C1orf167: variants seen among roughly 807,000 people sequenced by gnomAD.
C1orf167 encodes the protein uncharacterized protein C1orf167.
A neutral mutation model predicts 176.5 loss-of-function variants in C1orf167; 153 were observed. That is an observed-to-expected ratio of 0.87 (90% confidence interval 0.76 to 0.99). The LOEUF (loss-of-function observed/expected upper bound fraction) is 0.99. Among genes scored for constraint, C1orf167 ranks in the 50% least tolerant of loss-of-function variants. The probability of loss-of-function intolerance (pLI) is 0.00; values close to 1 mark genes in which losing one functional copy is unlikely to be tolerated. For missense variants in C1orf167, 1,490 were observed against 1,817.7 expected, an observed-to-expected ratio of 0.82 and a Z score of 3.28; for synonymous variants, 594 against 752.7, an observed-to-expected ratio of 0.79 and a Z score of 3.45.
chr1:11,780,675 C>T (rs1643552058), intron 13 of C1orf167, among the ~76,000 whole-genome samples: 1 of 152,218 alleles, frequency 6.6e-6, no homozygotes, highest in South Asian at 2.1e-4. Flanking sequence ...CTCTAGGAGT[C>T]ACTGGTCGGA....
In C1orf167 at chr1:11,768,704, C is replaced by T. The variant is rs530171070; in HGVS notation, c.1543-269C>T. ...TGGGAGGGAGCATCTGTGTCCTTCCCTCCTTGGGAAAGGGGTGCTCTGAGA... is the reference window on the plus strand; with the variant it reads ...TGGGAGGGAGCATCTGTGTCCTTCCTTCCTTGGGAAAGGGGTGCTCTGAGA... On this transcript the variant is annotated intron_variant, in intron 5 of 20. Coordinates refer to ENST00000688073, the MANE Select transcript of C1orf167 (RefSeq NM_001010881.2). This position sits in a 1 kb window ranked among gnomAD's most constrained non-coding sequence, Gnocchi z 4.5. Among the ~76,000 whole-genome samples the T allele has an allele frequency of 5.8e-4, 89 of 152,304 alleles. No homozygotes were observed. Among genetic ancestry groups the T allele is most frequent in the South Asian group, 3.1e-3 (15 of 4,826 alleles).
chr1:11,764,381 A>G lies in C1orf167; in HGVS notation c.-20A>G, dbSNP rs1286882148. 6 of 1,288,890 alleles carry G rather than the reference A, an allele frequency of 4.7e-6. No homozygotes were observed. In the East Asian group the frequency reaches 3.3e-4, roughly 72 times the overall value. 79.8% of individuals were successfully genotyped at this position (1,288,890 alleles called of 1,614,324 possible). A position where few individuals can be genotyped will look rare whatever the true frequency, so the allele number is the denominator to read the frequency against. On this transcript the variant is annotated 5_prime_UTR_variant, in exon 2 of 21. Coordinates refer to ENST00000688073, the MANE Select transcript of C1orf167 (RefSeq NM_001010881.2). ...CCACTCACTGTGGAGTGGACCAAGG[A>G]TACTCCTGTCCCTGAGCCCATGGAG...
At chr1:11,775,676 A>G (rs1192562664) in intron 9 of C1orf167, 66 bp downstream of exon 9, 1 of 1,244,088 alleles carries the variant, frequency 8.0e-7, no homozygotes, top group Non-Finnish European at 1.0e-6. Context: ...AGTGGTCCCC[A>G]GTTGAATATG....
At position 11,789,298 on chromosome 1, in the gene C1orf167, C is replaced by A. The variant is rs2100480711; in HGVS notation, c.4202C>A (p.Ala1401Glu). The change falls in exon 21 of 21, where the codon GCA becomes GAA. Residue 1401 changes from alanine to glutamate, a missense_variant. Physicochemically the swap from Ala to Glu is moderately radical, Grantham distance 107. Transcript: ENST00000688073. ...TTTAAGAAGTGGCACCAACGCCTGG[C>A]AGCCAGGAGCCCAAGGAGAGGAGCT... The part of the protein sequence containing the change: ...WAFKKWHQRL[A>E]ARSPRRGAAS... The A allele has an allele frequency of 7.7e-7, 1 of 1,304,110 alleles. No individual in the cohort carries two copies. The highest frequency in any genetic ancestry group is 1.5e-5 in the African/African-American group (1 of 65,974). The allele number at this position is 1,304,110 out of a possible 1,614,324, so 80.8% of individuals were successfully genotyped here.
Position 11,775,438 on chromosome 1 carries a change from CT to C in C1orf167, c.1994del (p.Phe665SerfsTer26), listed in dbSNP as rs1341596471. 7.7e-7 allele frequency: 1 copy of C among 1,297,296 alleles called. No homozygotes were observed. The highest frequency in any genetic ancestry group is 5.6e-5 in the East Asian group (1 of 17,994). The allele number at this position is 1,297,296 out of a possible 1,614,324, so 80.4% of individuals were successfully genotyped here. On this transcript the variant is annotated frameshift_variant, in exon 9 of 21. Transcript: ENST00000688073. LOFTEE classifies it high-confidence loss of function. ...QHQRAWLCRC[F>X]GAWQQFVQRG... ...TACTTTCCCTCTGTTCTCCCAGGTGCTTCGGGGCGTGGCAGCAGTTCGTGCA... is the reference window on the plus strand; with the variant it reads ...TACTTTCCCTCTGTTCTCCCAGGTGCTCGGGGCGTGGCAGCAGTTCGTGCA...
chr1:11,762,293 A>G lies in C1orf167; in HGVS notation c.-83A>G, dbSNP rs1414410746. On this transcript the variant is annotated 5_prime_UTR_variant, in exon 1 of 21. Transcript: ENST00000688073. ...CGACTGGGTGAAGGAGGACCCGAGG[A>G]GGACCCACGCACGTGAGGGCAGATC... The G allele has an allele frequency of 1.0e-5, 4 of 399,352 alleles. No individual in the cohort carries two copies. Among genetic ancestry groups the G allele is most frequent in the Non-Finnish European group, 2.0e-5 (4 of 196,978 alleles). The allele number at this position is 399,352 out of a possible 1,614,324, so 24.7% of individuals were successfully genotyped here. A position where few individuals can be genotyped will look rare whatever the true frequency, so the allele number is the denominator to read the frequency against.
Position 11,776,624 on chromosome 1 carries a change from G to C in C1orf167, c.2325G>C (p.Gln775His), listed in dbSNP as rs1423811140. 17 of 1,198,312 alleles carry C rather than the reference G, an allele frequency of 1.4e-5. No individual in the cohort carries two copies. The highest frequency in any genetic ancestry group is 1.6e-5 in the Non-Finnish European group (15 of 938,432). The allele number at this position is 1,198,312 out of a possible 1,614,324, so 74.2% of individuals were successfully genotyped here. The change falls in exon 10 of 21, where the codon CAG (glutamine) becomes CAC (histidine). Residue 775 changes from glutamine (Q) to histidine (H), a missense_variant. Coordinates refer to ENST00000688073, the MANE Select transcript of C1orf167 (RefSeq NM_001010881.2). Reference sequence around the variant, plus strand: ...TGCTGTGGAAGATGCGGCTTTTCCAGCGCCAGTGGGCCAAGTAGGTGTCCT... The same window carrying C: ...TGCTGTGGAAGATGCGGCTTTTCCACCGCCAGTGGGCCAAGTAGGTGTCCT... ...ALLLWKMRLF[Q>H]RQWANSFFQG...
chr1:11,786,805 A>G (rs1029877485), intron 16 of C1orf167: 3 of 152,240 alleles, frequency 2.0e-5, no homozygotes, highest in African/African-American at 7.2e-5. Context: ...CAGAATTCAC[A>G]CATATGGGGC....
chr1:11,775,381 C>T (rs1643262438), intron 8 of C1orf167, 54 bp from the exon 9 acceptor site: 3 of 1,226,146 alleles, frequency 2.4e-6, no homozygotes, highest in African/African-American at 1.6e-5. Context: ...GCAGCTGGAG[C>T]CGCAGTCATC....
chr1:11,766,400 G>A lies in C1orf167; in HGVS notation c.614G>A (p.Gly205Glu). The change falls in exon 3 of 21, where the codon GGG becomes GAG. Residue 205 changes from glycine to glutamate, a missense_variant. Physicochemically the swap from Gly to Glu is moderately conservative, Grantham distance 98. Coordinates refer to ENST00000688073, the MANE Select transcript of C1orf167 (RefSeq NM_001010881.2). This position sits in a 1 kb window ranked among gnomAD's most constrained non-coding sequence, Gnocchi z 4.5. ...QPGLRSWGGLGSWRSRLVGEP... is the reference protein window; with the variant it reads ...QPGLRSWGGLESWRSRLVGEP... ...GGCCTCAGATCCTGGGGTGGTCTGG[G>A]GAGCTGGAGGTCCAGGCTGGTGGGG... 1 of 1,273,510 alleles carries A rather than the reference G, an allele frequency of 7.9e-7. No individual in the cohort carries two copies. Among genetic ancestry groups the A allele is most frequent in the Non-Finnish European group, 1.0e-6 (1 of 981,100 alleles). 78.9% of individuals were successfully genotyped at this position (1,273,510 alleles called of 1,614,324 possible).
chr1:11,787,807 G>C, intron 17 of C1orf167, 66 bp from the exon 18 acceptor site: 1 of 1,181,752 alleles, frequency 8.5e-7, no homozygotes, highest in Non-Finnish European at 1.1e-6. Flanking sequence ...ACTCCTAGGC[G>C]GGCACTAAGA....
At chr1:11,775,866 G>A (rs1643289190) in intron 9 of C1orf167, among the ~76,000 whole-genome samples, 1 of 152,188 alleles carries the variant, frequency 6.6e-6, no homozygotes, top group African/African-American at 2.4e-5. Context: ...GGCTTTCTCA[G>A]TGCTGGTATC....
Position 11,779,099 on chromosome 1 carries a change from C to T in C1orf167, c.2651+19C>T. Reference sequence around the variant, plus strand: ...AGAGGCGGTAGGGATCCCTCCCCATCCGCCCGCCACTCTATGGACTTACTG... The same window carrying T: ...AGAGGCGGTAGGGATCCCTCCCCATTCGCCCGCCACTCTATGGACTTACTG... On this transcript the variant is annotated intron_variant, in intron 12 of 20. Transcript: ENST00000688073. 8.2e-7 allele frequency: 1 copy of T among 1,225,082 alleles called. No homozygotes were observed. The highest frequency in any genetic ancestry group is 1.0e-6 in the Non-Finnish European group (1 of 954,976). The allele number at this position is 1,225,082 out of a possible 1,614,324, so 75.9% of individuals were successfully genotyped here.
chr1:11,775,275 T>C (rs1643257106), intron 8 of C1orf167, among the ~76,000 whole-genome samples, 160 bp from the exon 9 acceptor site: 1 of 151,408 alleles, frequency 6.6e-6, no homozygotes, highest in African/African-American at 2.4e-5. Context: ...GGCAAAAGAG[T>C]GAAACTCCGT....
Position 11,766,787 on chromosome 1 carries a change from G to C in C1orf167, c.1001G>C (p.Arg334Pro), listed in dbSNP as rs796234359. The C allele has an allele frequency of 7.8e-7, 1 of 1,289,620 alleles. No homozygotes were observed. Among genetic ancestry groups the C allele is most frequent in the African/African-American group, 1.5e-5 (1 of 65,844 alleles). 79.9% of individuals were successfully genotyped at this position (1,289,620 alleles called of 1,614,324 possible). A position where few individuals can be genotyped will look rare whatever the true frequency, so the allele number is the denominator to read the frequency against. Residue 334 changes from arginine to proline, a missense_variant, in exon 3 of 21, where the codon CGG becomes CCG. By Grantham distance (103) the Arg-to-Pro change is moderately radical. Coordinates refer to ENST00000688073, the MANE Select transcript of C1orf167 (RefSeq NM_001010881.2). The surrounding 1 kb of genome is among the most constrained non-coding windows in gnomAD (Gnocchi z 4.5). ...LMSPETTLGT[R>P]TKDSLNPEQG... ...TCACCTGAGACCACTTTGGGGACAC[G>C]GACCAAGGATTCCCTTAATCCTGAG...
chr1:11,786,966 GAAACT>G, intron 16 of C1orf167: 1 of 152,616 alleles, frequency 6.6e-6, no homozygotes, highest in East Asian at 1.9e-4. Context: ...GAGGCCTCTA[GAAACT>G]AAACGCTGGG....
chr1:11,771,781 T>C (rs912236577), intron 7 of C1orf167, 145 bp downstream of exon 7: 2 of 523,636 alleles, frequency 3.8e-6, no homozygotes, highest in Non-Finnish European at 6.2e-6. Flanking sequence ...ACAATCTCAT[T>C]TGAGCCTCAC....
chr1:11,787,157 G>A (rs1029885178), intron 16 of C1orf167: 8 of 205,462 alleles, frequency 3.9e-5, no homozygotes, highest in Non-Finnish European at 8.2e-5. Context: ...GCTTTGAAAT[G>A]TTTTCAGTGG....
Position 11,776,637 on chromosome 1 carries a change from A to G in C1orf167, c.2338A>G (p.Asn780Asp). ...GCGGCTTTTCCAGCGCCAGTGGGCC[A>G]AGTAGGTGTCCTCGAGCTTGTGACC... is the stretch of plus-strand genomic sequence containing the variant. ...KMRLFQRQWA[N>D]SFFQGLQQRM... Residue 780 changes from asparagine to aspartate, a missense_variant and splice_region_variant, in exon 10 of 21, where the codon AAC (asparagine) becomes GAC (aspartate). By Grantham distance (23) the Asn-to-Asp change is conservative. Coordinates refer to ENST00000688073, the MANE Select transcript of C1orf167 (RefSeq NM_001010881.2). The G allele has an allele frequency of 8.4e-7, 1 of 1,196,360 alleles. No individual in the cohort carries two copies. The highest frequency in any genetic ancestry group is 1.1e-6 in the Non-Finnish European group (1 of 937,350). The allele number at this position is 1,196,360 out of a possible 1,614,324, so 74.1% of individuals were successfully genotyped here.
Sources: gnomAD v4.1 joint callset for allele counts (sites outside exome capture counted in the v4.1 genomes callset) on GRCh38, gnomAD v4.1.1 for gene constraint, Gnocchi (gnomAD v3.1) non-coding constraint, MANE v1.5 for transcripts, NCBI Gene and HGNC (gene_info 2026-07-23, HGNC 2026-07-21) for gene names.